Variants in OLFM2 observed in about 807,000 individuals in gnomAD.
The protein encoded by OLFM2 is noelin-2.
In OLFM2, 20 loss-of-function variants were observed where a neutral mutation model predicts 43.9. That is an observed-to-expected ratio of 0.46 (90% CI 0.32 to 0.66). OLFM2 has a LOEUF of 0.66. Among genes scored for constraint, OLFM2 ranks in the 30% least tolerant of loss-of-function variants. The pLI, the probability that OLFM2 is intolerant of heterozygous loss-of-function variation, is 0.04. For synonymous variants in OLFM2, 268 were observed against 278.6 expected (o/e 0.96, Z 0.38); for missense variants, 416 against 643.6 (o/e 0.65, Z 3.83).
intron 1 of OLFM2, among the ~76,000 whole-genome samples, chr19:9,867,357 C>A (rs2046410110): frequency 6.6e-6 from 1 of 151,950 alleles, no homozygotes; most frequent in Non-Finnish European, 1.5e-5. Context: ...GGCAATAGAG[C>A]GAGACCCCGT....
chr19:9,903,300 G>A (rs1049016332), intron 1 of OLFM2, among the ~76,000 whole-genome samples: 7 of 152,164 alleles, frequency 4.6e-5, no homozygotes, highest in African/African-American at 9.7e-5. Context: ...TCACACAGGT[G>A]AACGCCTCCC....
At chr19:9,894,218 G>A (rs8100984) in intron 1 of OLFM2, among the ~76,000 whole-genome samples, 78,250 of 150,516 alleles carry the variant, frequency 0.52, 20,786 homozygotes, top group Admixed American at 0.61. Flanking sequence ...ACTTGAACCC[G>A]GGAAGGGGAG....
chr19:9,919,108 G>A (rs1483854964), intron 1 of OLFM2, among the ~76,000 whole-genome samples: 1 of 152,148 alleles, frequency 6.6e-6, no homozygotes, highest in African/African-American at 2.4e-5. Flanking sequence ...AAGCTGAAGC[G>A]GGAGAATTGC....
intron 1 of OLFM2, among the ~76,000 whole-genome samples, chr19:9,911,331 A>T (rs892090235): frequency 4.6e-5 from 7 of 152,150 alleles, no homozygotes; most frequent in African/African-American, 1.7e-4. Flanking sequence ...CACTTCTCAG[A>T]TCCCTTTTGA....
chr19:9,903,884 T>C (rs2046761022), intron 1 of OLFM2, among the ~76,000 whole-genome samples: 1 of 152,128 alleles, frequency 6.6e-6, no homozygotes, highest in African/African-American at 2.4e-5. Context: ...GGCATCACAC[T>C]AAAGGCTACA....
intron 1 of OLFM2, among the ~76,000 whole-genome samples, chr19:9,919,501 G>C (rs2086406735): frequency 6.6e-6 from 1 of 150,858 alleles, no homozygotes; most frequent in Non-Finnish European, 1.5e-5. Context: ...TTATTTATTT[G>C]AGACAGAGTC....
At chr19:9,866,883 A>C (rs1420250789) in intron 1 of OLFM2, among the ~76,000 whole-genome samples, 2 of 152,220 alleles carry the variant, frequency 1.3e-5, no homozygotes, top group Non-Finnish European at 2.9e-5. Context: ...TATGCACTCA[A>C]GTATCTGTTC....
intron 1 of OLFM2, among the ~76,000 whole-genome samples, chr19:9,878,513 C>T (rs1278804614): frequency 1.3e-5 from 2 of 151,086 alleles, no homozygotes; most frequent in African/African-American, 4.9e-5. Context: ...TCTCAGCCTC[C>T]CTAGTAGCTG....
At chr19:9,872,159 C>T (rs1194151066) in intron 1 of OLFM2, among the ~76,000 whole-genome samples, 1 of 152,172 alleles carries the variant, frequency 6.6e-6, no homozygotes, top group Non-Finnish European at 1.5e-5. Context: ...GCAGCCTGCT[C>T]TTGTCAAACC....
At position 9,910,652 on chromosome 19, in the gene OLFM2, T is replaced by C. The variant is rs367794105; in HGVS notation, c.63+25652A>G. 1.2e-4 allele frequency among the ~76,000 whole-genome samples: 18 copies of C among 151,254 alleles called. No individual in the cohort carries two copies. The East Asian group carries it at 2.9e-3, about 25-fold the overall frequency. On this transcript the variant is annotated intron_variant, in intron 1 of 5. Coordinates refer to ENST00000264833, the MANE Select transcript of OLFM2 (RefSeq NM_058164.4). ...GGTGGAAGGATGGATGCACAGAGGA[T>C]AGAAAAAGAGAGTTGGATAATGGAT...
At chr19:9,900,103 C>T (rs573907455) in intron 1 of OLFM2, among the ~76,000 whole-genome samples, 146 of 152,172 alleles carry the variant, frequency 9.6e-4, no homozygotes, top group Non-Finnish European at 1.7e-3. Context: ...TTGTGAGATC[C>T]CCTGCATTCC....
intron 1 of OLFM2, among the ~76,000 whole-genome samples, chr19:9,897,448 G>C (rs1260893862): frequency 6.6e-6 from 1 of 151,924 alleles, no homozygotes; most frequent in African/African-American, 2.4e-5. Flanking sequence ...CCGTGAGCTG[G>C]GATCGCGCCA....
intron 1 of OLFM2, among the ~76,000 whole-genome samples, chr19:9,930,472 C>A (rs1442270405): frequency 2.0e-5 from 3 of 152,114 alleles, no homozygotes; most frequent in African/African-American, 4.8e-5. Context: ...AGAAGAATCA[C>A]TTGAGCCCAG....
chr19:9,868,690 C>G (rs1408726327), intron 1 of OLFM2, among the ~76,000 whole-genome samples: 1 of 152,004 alleles, frequency 6.6e-6, no homozygotes, highest in Non-Finnish European at 1.5e-5. Flanking sequence ...CTTGTAATCC[C>G]AACACTTTGG....
chr19:9,918,006 G>T (rs1006778504), intron 1 of OLFM2, among the ~76,000 whole-genome samples: 3 of 151,154 alleles, frequency 2.0e-5, no homozygotes, highest in African/African-American at 7.3e-5. Flanking sequence ...AGCCTCCCAA[G>T]TAGCTGGGTT....
intron 1 of OLFM2, among the ~76,000 whole-genome samples, chr19:9,931,727 A>T (rs2086483807): frequency 6.6e-6 from 1 of 151,636 alleles, no homozygotes; most frequent in African/African-American, 2.4e-5. Context: ...AAAAAAAAAA[A>T]GAAATAAAAA....
intron 1 of OLFM2, among the ~76,000 whole-genome samples, chr19:9,929,350 T>C (rs1419718767): frequency 6.6e-6 from 1 of 152,044 alleles, no homozygotes; most frequent in Non-Finnish European, 1.5e-5. Context: ...CCCAGCACTT[T>C]GGGAGGCTGA....
At chr19:9,927,250 C>G (rs2086459153) in intron 1 of OLFM2, among the ~76,000 whole-genome samples, 1 of 152,008 alleles carries the variant, frequency 6.6e-6, no homozygotes. Flanking sequence ...CCACTGCACT[C>G]CAGCCTGGGC....
At position 9,899,962 on chromosome 19, in the gene OLFM2, C is replaced by T. The variant is rs534401696; in HGVS notation, c.63+36342G>A. Among the ~76,000 whole-genome samples, 5 of 152,034 alleles carry T rather than the reference C, an allele frequency of 3.3e-5. 1 individual carries two copies. The South Asian group carries it at 1.0e-3, about 32-fold the overall frequency. On this transcript the variant is annotated intron_variant, in intron 1 of 5. Coordinates refer to ENST00000264833, the MANE Select transcript of OLFM2 (RefSeq NM_058164.4). ...ATCTCCTCCCACCACAATGTCAGTTCCACAAGAGCAAGTGCCTTGTCTCAC... is the reference window on the plus strand; with the variant it reads ...ATCTCCTCCCACCACAATGTCAGTTTCACAAGAGCAAGTGCCTTGTCTCAC...
Sources: gnomAD v4.1 joint callset for allele counts (sites outside exome capture counted in the v4.1 genomes callset) on GRCh38, gnomAD v4.1.1 for gene constraint, MANE v1.5 for transcripts, NCBI Gene and HGNC (gene_info 2026-07-23, HGNC 2026-07-21) for gene names.